SERPIND1: variants seen among roughly 807,000 people sequenced by gnomAD.
The protein encoded by SERPIND1 is heparin cofactor 2.
In SERPIND1, 34 loss-of-function variants were observed where a neutral mutation model predicts 35.0. The observed-to-expected ratio is 0.97, with a 90% CI of 0.74 to 1.29. The LOEUF (loss-of-function observed/expected upper bound fraction) is 1.29, where lower values mean the gene tolerates loss of function less well. Among genes scored for constraint, SERPIND1 ranks in the 50% most tolerant of loss-of-function variants. The pLI, the probability that SERPIND1 is intolerant of heterozygous loss-of-function variation, is 0.00. For synonymous variants in SERPIND1, 236 were observed against 241.1 expected (o/e 0.98, Z 0.19); for missense variants, 633 against 637.7 (o/e 0.99, Z 0.08).
intron 1 of SERPIND1, 185 bp from the exon 2 acceptor site, chr22:20,779,112 A>T: frequency 7.3e-7 from 1 of 1,367,116 alleles, no homozygotes; most frequent in Non-Finnish European, 9.9e-7. Flanking sequence ...TATGAGTCCC[A>T]CATCAAAGGT....
intron 2 of SERPIND1, among the ~76,000 whole-genome samples, chr22:20,782,489 T>C (rs1019383207): frequency 2.6e-5 from 4 of 152,368 alleles, no homozygotes; most frequent in South Asian, 2.1e-4. Flanking sequence ...TAATTTCATA[T>C]GGAATCATCT....
chr22:20,774,631 C>T (rs548191014), intron 1 of SERPIND1, among the ~76,000 whole-genome samples: 53 of 151,972 alleles, frequency 3.5e-4, no homozygotes, highest in African/African-American at 8.4e-4. Context: ...CGTGGTGGCA[C>T]GCGCCTGTAA....
Position 20,779,462 on chromosome 22 carries a change from G to C in SERPIND1, c.150G>C (p.Leu50=). The change falls in exon 2 of 5, where the codon CTG becomes CTC. Residue 50 remains leucine (L), a synonymous_variant. Coordinates refer to ENST00000215727, the MANE Select transcript of SERPIND1 (RefSeq NM_000185.4). ...GGGAGCAGTTAAATAACAAAAACCT[G>C]AGCATGCCTCTTCTCCCTGCCGACT... ...PQWEQLNNKN[L]SMPLLPADFH... 6.2e-7 allele frequency: 1 copy of C among 1,614,152 alleles called. No homozygotes were observed.
intron 2 of SERPIND1, among the ~76,000 whole-genome samples, chr22:20,780,815 C>T (rs187449370): frequency 1.7e-4 from 23 of 135,784 alleles, no homozygotes; most frequent in Admixed American, 1.6e-3. Flanking sequence ...GCTCCAAGGG[C>T]ACCCAGTTAT....
intron 1 of SERPIND1, among the ~76,000 whole-genome samples, chr22:20,778,212 A>C (rs940462928): frequency 9.9e-5 from 15 of 152,122 alleles, no homozygotes; most frequent in African/African-American, 3.6e-4. Flanking sequence ...CAAATTAAAC[A>C]ACCCCAGGTC....
intron 3 of SERPIND1, 67 bp from the exon 4 acceptor site, chr22:20,785,937 G>GA: frequency 6.3e-7 from 1 of 1,596,852 alleles, no homozygotes. Flanking sequence ...CCTTTAAAGG[G>GA]AAAATCATGA....
In SERPIND1 at chr22:20,779,601, G is replaced by A. The variant is rs751754453; in HGVS notation, c.289G>A (p.Asp97Asn). 6.8e-6 allele frequency: 11 copies of A among 1,614,108 alleles called. No individual in the cohort carries two copies. Among genetic ancestry groups the A allele is most frequent in the South Asian group, 1.1e-5 (1 of 91,084 alleles). The change falls in exon 2 of 5, where the codon GAC (aspartate) becomes AAC (asparagine). Residue 97 changes from aspartate to asparagine, a missense_variant. Asp to Asn is a conservative substitution (Grantham distance 23). Coordinates refer to ENST00000215727, the MANE Select transcript of SERPIND1 (RefSeq NM_000185.4). ...AGACGACGACTACATCGACATCGTCGACAGTCTGTCAGTTTCCCCGACAGA... is the reference window on the plus strand; with the variant it reads ...AGACGACGACTACATCGACATCGTCAACAGTCTGTCAGTTTCCCCGACAGA... ...SEDDDYIDIV[D>N]SLSVSPTDSD... is the part of the protein sequence containing the mutation.
At chr22:20,785,723 A>G (rs1331123013) in intron 3 of SERPIND1, among the ~76,000 whole-genome samples, 1 of 152,198 alleles carries the variant, frequency 6.6e-6, no homozygotes, top group Non-Finnish European at 1.5e-5. Flanking sequence ...TAAACCATAA[A>G]CCAGGAAAAG....
chr22:20,776,608 G>A (rs905597585), intron 1 of SERPIND1, among the ~76,000 whole-genome samples: 13 of 152,190 alleles, frequency 8.5e-5, no homozygotes, highest in Non-Finnish European at 1.9e-4. Flanking sequence ...TGCTCTGCAC[G>A]GCCAGGGAGT....
At chr22:20,784,335 G>A in intron 3 of SERPIND1, 90 bp downstream of exon 3, 1 of 1,560,926 alleles carries the variant, frequency 6.4e-7, no homozygotes, top group Non-Finnish European at 8.8e-7. Flanking sequence ...TTTAAAAAGG[G>A]AGAATTATGT....
At chr22:20,779,217 A>T (rs754751667) in intron 1 of SERPIND1, 80 bp from the exon 2 acceptor site, 11 of 1,603,796 alleles carry the variant, frequency 6.9e-6, no homozygotes, top group Non-Finnish European at 9.3e-6. Flanking sequence ...TCAAAGCCAC[A>T]GGGAACCTGC....
intron 4 of SERPIND1, among the ~76,000 whole-genome samples, chr22:20,786,615 G>C (rs1034997077): frequency 1.3e-5 from 2 of 152,186 alleles, no homozygotes; most frequent in African/African-American, 4.8e-5. Context: ...TGGAGCTGGG[G>C]TGGCTGTCCT....
intron 4 of SERPIND1, 54 bp downstream of exon 4, chr22:20,786,202 G>A: frequency 1.2e-6 from 2 of 1,602,848 alleles, no homozygotes; most frequent in Non-Finnish European, 1.7e-6. Flanking sequence ...CCTCAGCACA[G>A]CCCCACCTCC....
chr22:20,784,394 C>G (rs1934043516), intron 3 of SERPIND1, 149 bp downstream of exon 3: 8 of 1,097,398 alleles, frequency 7.3e-6, no homozygotes, highest in Non-Finnish European at 1.1e-5. Context: ...AATTCAGCCC[C>G]AATTTGTTGC....
At chr22:20,775,109 T>C (rs1042400841) in intron 1 of SERPIND1, among the ~76,000 whole-genome samples, 1 of 152,294 alleles carries the variant, frequency 6.6e-6, no homozygotes, top group Admixed American at 6.5e-5. Flanking sequence ...GATGACGGTT[T>C]ATCAAGTGTT....
chr22:20,779,605 G>C lies in SERPIND1; in HGVS notation c.293G>C (p.Ser98Thr). The change falls in exon 2 of 5, where the codon AGT (serine) becomes ACT (threonine). Residue 98 changes from serine (S) to threonine (T), a missense_variant. Coordinates refer to ENST00000215727, the MANE Select transcript of SERPIND1 (RefSeq NM_000185.4). ...GACGACTACATCGACATCGTCGACA[G>C]TCTGTCAGTTTCCCCGACAGACTCT... The part of the protein sequence containing the change: ...EDDDYIDIVD[S>T]LSVSPTDSDV... 2 of 1,614,194 alleles carry C rather than the reference G, an allele frequency of 1.2e-6. No individual in the cohort carries two copies. Among genetic ancestry groups the C allele is most frequent in the Non-Finnish European group, 1.7e-6 (2 of 1,179,992 alleles).
At chr22:20,777,606 G>A (rs1401108039) in intron 1 of SERPIND1, among the ~76,000 whole-genome samples, 3 of 152,286 alleles carry the variant, frequency 2.0e-5, no homozygotes, top group Middle Eastern at 3.4e-3. Flanking sequence ...TTCCTGCCTT[G>A]GTCTCCCAGT....
intron 1 of SERPIND1, 70 bp from the exon 2 acceptor site, chr22:20,779,227 C>T (rs752242204): frequency 3.8e-5 from 61 of 1,605,974 alleles, no homozygotes; most frequent in Non-Finnish European, 5.0e-5. Context: ...AGGGAACCTG[C>T]CATGTGGATG....
At chr22:20,778,529 T>G (rs1933485367) in intron 1 of SERPIND1, among the ~76,000 whole-genome samples, 1 of 151,798 alleles carries the variant, frequency 6.6e-6, no homozygotes, top group Non-Finnish European at 1.5e-5. Context: ...CAAAAGCCAA[T>G]TACAACAACA....
Sources: gnomAD v4.1 joint callset for allele counts (sites outside exome capture counted in the v4.1 genomes callset) on GRCh38, gnomAD v4.1.1 for gene constraint, MANE v1.5 for transcripts, NCBI Gene and HGNC (gene_info 2026-07-23, HGNC 2026-07-21) for gene names.